OXCT1: variants seen among roughly 807,000 people sequenced by gnomAD.
The protein encoded by OXCT1 is succinyl-CoA:3-ketoacid coenzyme A transferase 1, mitochondrial.
OXCT1 carries 27 observed loss-of-function variants against 69.6 expected under a neutral mutation model. The ratio of observed to expected loss-of-function variants is 0.39; its 90% CI spans 0.29 to 0.54. The LOEUF (loss-of-function observed/expected upper bound fraction) is 0.54. Ranked by LOEUF, OXCT1 falls within the 20% of genes least tolerant of loss-of-function variation. The pLI, the probability that OXCT1 is intolerant of heterozygous loss-of-function variation, is 0.72. For missense variants in OXCT1, 437 were observed against 650.2 expected, an observed-to-expected ratio of 0.67 and a Z score of 3.57; for synonymous variants, 202 against 217.8, an observed-to-expected ratio of 0.93 and a Z score of 0.64.
chr5:41,762,507 T>C lies in OXCT1; in HGVS notation c.1249-307A>G, dbSNP rs1168828206. ...CCTTTCCAGAATTCTGGGACATTAC[T>C]ATTATTACACTATCAGATTGAAATC... On this transcript the variant is annotated intron_variant, in intron 13 of 16. Coordinates refer to ENST00000196371, the MANE Select transcript of OXCT1 (RefSeq NM_000436.4). The surrounding 1 kb of genome is among the most constrained non-coding windows in gnomAD (Gnocchi z 4.0). 2.0e-5 allele frequency among the ~76,000 whole-genome samples: 3 copies of C among 152,130 alleles called. No homozygotes were observed. Among genetic ancestry groups the C allele is most frequent in the African/African-American group, 4.8e-5 (2 of 41,432 alleles).
At chr5:41,865,174 A>T (rs1749906358) in intron 1 of OXCT1, among the ~76,000 whole-genome samples, 1 of 152,168 alleles carries the variant, frequency 6.6e-6, no homozygotes, top group South Asian at 2.1e-4. Context: ...TGTGCTATCA[A>T]ACAGAAGGTC....
chr5:41,837,499 C>G (rs938387607), intron 7 of OXCT1, among the ~76,000 whole-genome samples: 1 of 151,112 alleles, frequency 6.6e-6, no homozygotes, highest in Non-Finnish European at 1.5e-5. Context: ...AATGAATGCA[C>G]GGGGCCACTG....
intron 16 of OXCT1, among the ~76,000 whole-genome samples, chr5:41,734,176 A>G (rs1027778347): frequency 4.6e-5 from 7 of 152,244 alleles, no homozygotes; most frequent in Non-Finnish European, 1.0e-4. Context: ...CTTGGGAGCA[A>G]GAACCATAAA....
chr5:41,826,053 C>T (rs1253389030), intron 7 of OXCT1, among the ~76,000 whole-genome samples: 1 of 152,106 alleles, frequency 6.6e-6, no homozygotes, highest in Non-Finnish European at 1.5e-5. Flanking sequence ...TGAGGGTGTA[C>T]AACTCAAGCT....
At chr5:41,827,623 C>T (rs1475412221) in intron 7 of OXCT1, among the ~76,000 whole-genome samples, 3 of 152,160 alleles carry the variant, frequency 2.0e-5, no homozygotes, top group Admixed American at 2.0e-4. Flanking sequence ...AATTGACTTG[C>T]CATTCATCAC....
intron 3 of OXCT1, among the ~76,000 whole-genome samples, chr5:41,854,365 CCTTT>C (rs1346746128): frequency 2.0e-5 from 3 of 151,970 alleles, no homozygotes; most frequent in African/African-American, 7.2e-5. Flanking sequence ...CAGGTTTATG[CCTTT>C]CTTTATTTCT....
chr5:41,754,814 T>C (rs944504604), intron 14 of OXCT1, among the ~76,000 whole-genome samples: 1 of 151,872 alleles, frequency 6.6e-6, no homozygotes, highest in African/African-American at 2.4e-5. Context: ...TATATGGAGG[T>C]AATAAAAGTT....
intron 13 of OXCT1, among the ~76,000 whole-genome samples, chr5:41,789,632 T>C (rs1019378154): frequency 1.7e-4 from 26 of 152,212 alleles, no homozygotes; most frequent in Admixed American, 1.7e-3. Flanking sequence ...TTCCACTACA[T>C]TACACTAATA....
At chr5:41,785,442 GT>G (rs1199133780) in intron 13 of OXCT1, among the ~76,000 whole-genome samples, 2 of 152,104 alleles carry the variant, frequency 1.3e-5, no homozygotes, top group African/African-American at 2.4e-5. Context: ...ATATTGAAGA[GT>G]TTTTTTCCTC....
intron 7 of OXCT1, among the ~76,000 whole-genome samples, chr5:41,812,431 T>A (rs1747029386): frequency 6.6e-6 from 1 of 152,008 alleles, no homozygotes; most frequent in Admixed American, 6.6e-5. Flanking sequence ...TATAAAGAAA[T>A]GAATGTAACA....
chr5:41,803,564 C>T (rs928213995), intron 9 of OXCT1, among the ~76,000 whole-genome samples: 7 of 151,992 alleles, frequency 4.6e-5, no homozygotes, highest in African/African-American at 1.4e-4. Flanking sequence ...CGTTTTTCAT[C>T]GTCTTTATTG....
At chr5:41,768,145 T>G (rs1049869989) in intron 13 of OXCT1, among the ~76,000 whole-genome samples, 1 of 152,170 alleles carries the variant, frequency 6.6e-6, no homozygotes, top group Non-Finnish European at 1.5e-5. Context: ...TGTTCCTTTA[T>G]TCCTGAGCTC....
Position 41,739,343 on chromosome 5 carries a change from C to T in OXCT1, c.1521+47G>A, listed in dbSNP as rs758172835. On this transcript the variant is annotated intron_variant, in intron 16 of 16. Coordinates refer to ENST00000196371, the MANE Select transcript of OXCT1 (RefSeq NM_000436.4). Reference sequence around the variant, plus strand: ...GTCCTGCAAACACCCATTAATCAAGCCTATAATATAAGACAAGTGTCTGGA... The same window carrying T: ...GTCCTGCAAACACCCATTAATCAAGTCTATAATATAAGACAAGTGTCTGGA... 18 of 1,209,226 alleles carry T rather than the reference C, an allele frequency of 1.5e-5. No individual in the cohort carries two copies. In the East Asian group the frequency reaches 4.2e-4, roughly 28 times the overall value. 74.9% of individuals were successfully genotyped at this position (1,209,226 alleles called of 1,614,324 possible). A position where few individuals can be genotyped will look rare whatever the true frequency, so the allele number is the denominator to read the frequency against.
Position 41,850,179 on chromosome 5 carries a change from C to G in OXCT1, c.415G>C (p.Gly139Arg). The change falls in exon 5 of 17, where the codon GGC becomes CGC. Residue 139 changes from glycine to arginine, a missense_variant and splice_region_variant. By Grantham distance (125) the Gly-to-Arg change is moderately radical. This residue lies in a region of OXCT1 where 252 missense variants were observed against 397.4 expected (regional missense o/e 0.63). Transcript: ENST00000196371. ...GELEVELTPQ[G>R]TLAERIRAGG... ...GCACGGATCCTCTCTGCAAGTGTGC[C>G]CTGCAAGTGAGCAACCAACACCCCA... 6.2e-7 allele frequency: 1 copy of G among 1,613,376 alleles called. No homozygotes were observed. Among genetic ancestry groups the G allele is most frequent in the Non-Finnish European group, 8.5e-7 (1 of 1,179,806 alleles).
intron 14 of OXCT1, among the ~76,000 whole-genome samples, chr5:41,752,976 C>T (rs1743868807): frequency 6.6e-6 from 1 of 151,378 alleles, no homozygotes; most frequent in Admixed American, 6.6e-5. Context: ...CTATTGCTTG[C>T]TTCTTGGTGA....
chr5:41,834,854 A>G (rs1748278479), intron 7 of OXCT1, among the ~76,000 whole-genome samples: 1 of 152,180 alleles, frequency 6.6e-6, no homozygotes, highest in Non-Finnish European at 1.5e-5. Context: ...GATAAAAATT[A>G]CTAAGAGGAA....
chr5:41,757,874 C>T (rs546519994), intron 14 of OXCT1, among the ~76,000 whole-genome samples: 23 of 152,118 alleles, frequency 1.5e-4, no homozygotes, highest in African/African-American at 4.1e-4. Flanking sequence ...TGCTGGGGAG[C>T]GAATCGCAAA....
In OXCT1 at chr5:41,853,413, T is replaced by G. The variant is rs1561130713; in HGVS notation, c.414+6A>C. The G allele has an allele frequency of 1.9e-6, 3 of 1,613,050 alleles. No individual in the cohort carries two copies. Among genetic ancestry groups the G allele is most frequent in the Non-Finnish European group, 2.5e-6 (3 of 1,179,294 alleles). On this transcript the variant is annotated splice_donor_region_variant and intron_variant, in intron 4 of 16. Transcript: ENST00000196371. ...AGTATTATAAAAGAAAAGCAAATTTTCTCACCTGTGGTGTCAGCTCCACTT... is the reference window on the plus strand; with the variant it reads ...AGTATTATAAAAGAAAAGCAAATTTGCTCACCTGTGGTGTCAGCTCCACTT...
At chr5:41,846,044 T>G (rs1748885820) in intron 5 of OXCT1, among the ~76,000 whole-genome samples, 1 of 152,082 alleles carries the variant, frequency 6.6e-6, no homozygotes, top group African/African-American at 2.4e-5. Flanking sequence ...TAAATCCCCC[T>G]GCATTCCCTC....
Sources: allele counts gnomAD v4.1 joint callset (sites outside exome capture counted in the v4.1 genomes callset), GRCh38; gene constraint gnomAD v4.1.1; regional missense constraint gnomAD v4.1.1; non-coding constraint Gnocchi (gnomAD v3.1); transcripts MANE v1.5; gene names NCBI Gene and HGNC (gene_info 2026-07-23, HGNC 2026-07-21).